Variants in SLC10A7 observed in about 807,000 individuals in gnomAD.
SLC10A7 encodes solute carrier family 10 member 7, also known as sodium/bile acid cotransporter 7.
Under a neutral mutation model 43.2 loss-of-function variants are expected in SLC10A7, and 29 were observed. The ratio of observed to expected loss-of-function variants is 0.67; its 90% CI spans 0.50 to 0.92. The LOEUF (loss-of-function observed/expected upper bound fraction) is 0.92. Among genes scored for constraint, SLC10A7 ranks in the 40% least tolerant of loss-of-function variants. The probability of loss-of-function intolerance (pLI) is 0.00; values close to 1 mark genes in which losing one functional copy is unlikely to be tolerated. For synonymous variants in SLC10A7, 152 were observed against 144.8 expected (o/e 1.05, Z -0.35); for missense variants, 295 against 403.2 (o/e 0.73, Z 2.30).
chr4:146,380,400 G>A (rs1442740096), intron 5 of SLC10A7, among the ~76,000 whole-genome samples: 1 of 152,114 alleles, frequency 6.6e-6, no homozygotes, highest in Non-Finnish European at 1.5e-5. Flanking sequence ...TTCTGAAAAA[G>A]AGAGTTCTGC....
chr4:146,338,096 G>A (rs1734011906), intron 5 of SLC10A7, among the ~76,000 whole-genome samples: 1 of 151,868 alleles, frequency 6.6e-6, no homozygotes, highest in Admixed American at 6.6e-5. Flanking sequence ...GCAAATATTA[G>A]GCATGCAATA....
chr4:146,459,643 C>T lies in SLC10A7; in HGVS notation c.397-16822G>A, dbSNP rs113537974. Among the ~76,000 whole-genome samples, 1,112 of 151,014 alleles carry T rather than the reference C, an allele frequency of 7.4e-3. 10 individuals carry two copies. Among genetic ancestry groups the T allele is most frequent in the African/African-American group, 0.026 (1,071 of 41,350 alleles). Reference sequence around the variant, plus strand: ...AAAAAAAAAACGAAAAACTCTGATGCTTATTCACACTACACACACAAAGCA... The same window carrying T: ...AAAAAAAAAACGAAAAACTCTGATGTTTATTCACACTACACACACAAAGCA... On this transcript the variant is annotated intron_variant, in intron 4 of 11. Coordinates refer to ENST00000335472, the MANE Select transcript of SLC10A7 (RefSeq NM_001029998.6).
At chr4:146,429,952 T>A (rs1358456433) in intron 5 of SLC10A7, among the ~76,000 whole-genome samples, 1 of 151,906 alleles carries the variant, frequency 6.6e-6, no homozygotes, top group Non-Finnish European at 1.5e-5. Flanking sequence ...ATATGCAAAG[T>A]AACAAACCCC....
chr4:146,412,824 C>T (rs189957897), intron 5 of SLC10A7, among the ~76,000 whole-genome samples: 48 of 152,134 alleles, frequency 3.2e-4, no homozygotes, highest in Admixed American at 1.2e-3. Context: ...TGCTTATTTC[C>T]TGAATAGCAC....
chr4:146,256,311 A>C lies in SLC10A7; in HGVS notation c.*180T>G. ...CACCCCTGGCAGTAATCAACAAAGC[A>C]TATTTTGGAAATAACGCTCTTGTCA... On this transcript the variant is annotated 3_prime_UTR_variant, in exon 12 of 12. Transcript: ENST00000335472. 3.2e-6 allele frequency: 2 copies of C among 627,920 alleles called. No homozygotes were observed. The highest frequency in any genetic ancestry group is 2.8e-6 in the Non-Finnish European group (1 of 359,866). The allele number at this position is 627,920 out of a possible 1,614,324, so 38.9% of individuals were successfully genotyped here.
chr4:146,482,820 A>G (rs553842006), intron 4 of SLC10A7, among the ~76,000 whole-genome samples: 37 of 152,342 alleles, frequency 2.4e-4, no homozygotes, highest in Admixed American at 2.6e-4. Context: ...AGTCAAAGAC[A>G]AACAGAAAAC....
intron 7 of SLC10A7, among the ~76,000 whole-genome samples, chr4:146,297,588 CGTT>C (rs1371508961): frequency 6.6e-6 from 1 of 152,062 alleles, no homozygotes; most frequent in East Asian, 1.9e-4. Flanking sequence ...TAATGTTTCA[CGTT>C]GTCTGAATTT....
chr4:146,261,619 G>GA (rs1170800608), intron 10 of SLC10A7, among the ~76,000 whole-genome samples: 2 of 152,046 alleles, frequency 1.3e-5, no homozygotes, highest in Non-Finnish European at 2.9e-5. Flanking sequence ...AAAGAGAAGG[G>GA]ATCCACGATC....
At chr4:146,476,064 A>G (rs1490571003) in intron 4 of SLC10A7, among the ~76,000 whole-genome samples, 1 of 152,194 alleles carries the variant, frequency 6.6e-6, no homozygotes, top group Non-Finnish European at 1.5e-5. Context: ...TACAGATAGG[A>G]GATAGGATGA....
At chr4:146,425,468 G>A (rs546186827) in intron 5 of SLC10A7, among the ~76,000 whole-genome samples, 128 of 152,224 alleles carry the variant, frequency 8.4e-4, no homozygotes, top group Non-Finnish European at 1.4e-3. Context: ...GAATAGAAAA[G>A]TTTAACTTCA....
intron 4 of SLC10A7, among the ~76,000 whole-genome samples, chr4:146,448,042 G>C (rs1459750925): frequency 1.3e-5 from 2 of 151,906 alleles, no homozygotes; most frequent in Non-Finnish European, 2.9e-5. Flanking sequence ...ACAGGAAGGG[G>C]AACATCACAC....
Position 146,392,157 on chromosome 4 carries a change from A to G in SLC10A7, c.435+50626T>C, listed in dbSNP as rs144303398. ...CTGCATTCATCATGACATGCAAAAGAACACAGGACTCTGTTGTATCTCTAT... is the reference window on the plus strand; with the variant it reads ...CTGCATTCATCATGACATGCAAAAGGACACAGGACTCTGTTGTATCTCTAT... On this transcript the variant is annotated intron_variant, in intron 5 of 11. Coordinates refer to ENST00000335472, the MANE Select transcript of SLC10A7 (RefSeq NM_001029998.6). Among the ~76,000 whole-genome samples, 636 of 152,340 alleles carry G rather than the reference A, an allele frequency of 4.2e-3. 3 individuals are homozygous for G. The highest frequency in any genetic ancestry group is 0.014 in the African/African-American group (583 of 41,578).
chr4:146,413,174 T>C (rs1230034169), intron 5 of SLC10A7, among the ~76,000 whole-genome samples: 2 of 152,140 alleles, frequency 1.3e-5, no homozygotes, highest in Non-Finnish European at 2.9e-5. Context: ...AAGCTGATTT[T>C]CTAAATAAGC....
chr4:146,412,967 G>C (rs1044228256), intron 5 of SLC10A7, among the ~76,000 whole-genome samples: 1 of 152,056 alleles, frequency 6.6e-6, no homozygotes, highest in African/African-American at 2.4e-5. Flanking sequence ...CAGGCACACA[G>C]TAAATACTCA....
intron 4 of SLC10A7, among the ~76,000 whole-genome samples, chr4:146,446,593 T>A (rs1350443050): frequency 1.8e-4 from 24 of 133,302 alleles, no homozygotes; most frequent in African/African-American, 2.7e-4. Context: ...AAAAAAAAAA[T>A]GAAAATAAAT....
At chr4:146,286,440 C>CTGGAGTGGTGAGAGGGACTGAGTT (rs879366639) in intron 9 of SLC10A7, among the ~76,000 whole-genome samples, 3,932 of 24,440 alleles carry the variant, frequency 0.16, 26 homozygotes, top group African/African-American at 0.22. Context: ...GAGAAGGACT[C>CTGGAGTGGTGAGAGGGACTGAGTT]TGGAGTGGTG....
intron 4 of SLC10A7, among the ~76,000 whole-genome samples, chr4:146,455,037 T>A (rs1731933255): frequency 6.6e-6 from 1 of 151,836 alleles, no homozygotes; most frequent in South Asian, 2.1e-4. Context: ...ATTCCTCAAG[T>A]TTAATTCTTC....
chr4:146,509,612 A>T (rs540909852), intron 3 of SLC10A7, among the ~76,000 whole-genome samples: 2 of 152,336 alleles, frequency 1.3e-5, no homozygotes, highest in African/African-American at 4.8e-5. Context: ...ATTGACTTGC[A>T]TACAGATCTT....
rs79558240 is a variant in SLC10A7 at position 146,385,488 on chromosome 4, T to C, written c.435+57295A>G. Among the ~76,000 whole-genome samples, 11 of 152,310 alleles carry C rather than the reference T, an allele frequency of 7.2e-5. No homozygotes were observed. The East Asian group carries it at 2.1e-3, about 29-fold the overall frequency. ...TTCTCCTGTGTCATTTCATGTCATA[T>C]GTTTCGCTTTATTTTTTCCAATTAG... On this transcript the variant is annotated intron_variant, in intron 5 of 11. Transcript: ENST00000335472.
Sources: gnomAD v4.1 joint callset for allele counts (sites outside exome capture counted in the v4.1 genomes callset) on GRCh38, gnomAD v4.1.1 for gene constraint, MANE v1.5 for transcripts, NCBI Gene and HGNC (gene_info 2026-07-23, HGNC 2026-07-21) for gene names.